The following CARMIL1 variants were observed in gnomAD, a reference collection of about 807,000 sequenced individuals.
CARMIL1 encodes the protein capping protein regulator and myosin 1 linker 1.
CARMIL1 carries 90 observed loss-of-function variants against 177.1 expected under a neutral mutation model. The ratio of observed to expected loss-of-function variants is 0.51; its 90% confidence interval spans 0.43 to 0.61. The LOEUF (loss-of-function observed/expected upper bound fraction) is 0.61. Ranked by LOEUF, CARMIL1 falls within the 20% of genes least tolerant of loss-of-function variation. The pLI, the probability that CARMIL1 is intolerant of heterozygous loss-of-function variation, is 0.00. For synonymous variants in CARMIL1, 577 were observed against 606.2 expected (o/e 0.95, Z 0.71); for missense variants, 1,380 against 1,667.0 (o/e 0.83, Z 3.00).
At chr6:25,417,381 C>T (rs947287698) in intron 2 of CARMIL1, among the ~76,000 whole-genome samples, 2 of 152,130 alleles carry the variant, frequency 1.3e-5, no homozygotes, top group Non-Finnish European at 2.9e-5. Context: ...GATCTCCTGC[C>T]CTTTTGCAAA....
intron 2 of CARMIL1, among the ~76,000 whole-genome samples, chr6:25,373,490 A>T (rs1790641471): frequency 6.9e-6 from 1 of 145,752 alleles, no homozygotes; most frequent in Admixed American, 6.9e-5. Flanking sequence ...TTTCCTGTAG[A>T]TTTTCTAGTT....
chr6:25,497,683 G>A (rs1161182813), intron 16 of CARMIL1, among the ~76,000 whole-genome samples: 1 of 152,094 alleles, frequency 6.6e-6, no homozygotes, highest in Non-Finnish European at 1.5e-5. Context: ...TTTCTCTAAG[G>A]GTTTGGGATT....
chr6:25,475,637 G>C (rs1359530930), intron 11 of CARMIL1, among the ~76,000 whole-genome samples: 3 of 152,230 alleles, frequency 2.0e-5, no homozygotes, highest in Admixed American at 6.5e-5. Flanking sequence ...ACTCAAAAGA[G>C]AATGGAATTC....
intron 31 of CARMIL1, among the ~76,000 whole-genome samples, chr6:25,590,053 A>T (rs1427555691): frequency 1.3e-5 from 2 of 152,222 alleles, no homozygotes; most frequent in Admixed American, 6.5e-5. Flanking sequence ...GCTACAAGAA[A>T]ATCTAGGAAG....
intron 2 of CARMIL1, among the ~76,000 whole-genome samples, chr6:25,327,564 A>G (rs940474699): frequency 1.7e-4 from 26 of 152,228 alleles, no homozygotes; most frequent in African/African-American, 6.3e-4. Context: ...CCCTCCGGCT[A>G]CTATTTGCTG....
In CARMIL1 at chr6:25,536,656, G is replaced by A. The variant is rs1348298115; in HGVS notation, c.2068-1199G>A. On this transcript the variant is annotated intron_variant, in intron 24 of 36. Coordinates refer to ENST00000329474, the MANE Select transcript of CARMIL1 (RefSeq NM_017640.6). ...ATGAACCTGACTTTACAAAGAAAAAGGCAAGAGAGATGGCAGTGCTACAGC... is the reference window on the plus strand; with the variant it reads ...ATGAACCTGACTTTACAAAGAAAAAAGCAAGAGAGATGGCAGTGCTACAGC... Among the ~76,000 whole-genome samples the A allele has an allele frequency of 2.6e-5, 4 of 152,046 alleles. No homozygotes were observed. The East Asian group carries it at 5.8e-4, about 22-fold the overall frequency.
chr6:25,369,062 G>C (rs980124216), intron 2 of CARMIL1, among the ~76,000 whole-genome samples: 4 of 152,230 alleles, frequency 2.6e-5, no homozygotes, highest in Non-Finnish European at 5.9e-5. Flanking sequence ...TGTAATAGAG[G>C]AGTGTAAGTA....
chr6:25,487,529 T>C (rs975340964), intron 12 of CARMIL1, among the ~76,000 whole-genome samples: 3 of 152,256 alleles, frequency 2.0e-5, no homozygotes, highest in African/African-American at 7.2e-5. Flanking sequence ...TTCTAAAATA[T>C]ATAATTTGGA....
At chr6:25,451,961 T>C (rs1798969680) in intron 8 of CARMIL1, 3 of 545,906 alleles carry the variant, frequency 5.5e-6, no homozygotes, top group Admixed American at 4.6e-5. Context: ...TTGTTGCCCA[T>C]ATGTCATCTC....
chr6:25,472,781 G>T, intron 11 of CARMIL1: 1 of 442,114 alleles, frequency 2.3e-6, no homozygotes, highest in South Asian at 3.1e-5. Context: ...ACATAGTCCT[G>T]CATAACAAAT....
intron 2 of CARMIL1, among the ~76,000 whole-genome samples, chr6:25,361,136 G>A (rs1323892180): frequency 1.3e-5 from 2 of 152,074 alleles, no homozygotes; most frequent in African/African-American, 2.4e-5. Flanking sequence ...ATATAATTGA[G>A]CAGATTTTGA....
rs973255169 is a variant in CARMIL1, at chr6:25,554,164, G to A, written c.2592+68G>A. The A allele has an allele frequency of 2.2e-5, 24 of 1,075,482 alleles. No homozygotes were observed. The highest frequency in any genetic ancestry group is 2.7e-5 in the Non-Finnish European group (19 of 713,924). 66.6% of individuals were successfully genotyped at this position (1,075,482 alleles called of 1,614,324 possible). A position where few individuals can be genotyped will look rare whatever the true frequency, so the allele number is the denominator to read the frequency against. On this transcript the variant is annotated intron_variant, in intron 28 of 36. Transcript: ENST00000329474. This position sits in a 1 kb window ranked among gnomAD's most constrained non-coding sequence, Gnocchi z 4.6. The stretch of plus-strand genomic sequence containing the variant: ...TCTGCTGTGATGCAGGATGACTTCC[G>A]GTGTGGGGATGTGATTTCTTTTCTG...
At chr6:25,511,318 T>C (rs1164422959) in intron 20 of CARMIL1, among the ~76,000 whole-genome samples, 1 of 152,176 alleles carries the variant, frequency 6.6e-6, no homozygotes, top group Non-Finnish European at 1.5e-5. Flanking sequence ...TAGTATCTTA[T>C]TTTGCTGTCC....
At chr6:25,575,416 A>G (rs992218841) in intron 29 of CARMIL1, among the ~76,000 whole-genome samples, 1 of 152,170 alleles carries the variant, frequency 6.6e-6, no homozygotes, top group Non-Finnish European at 1.5e-5. Flanking sequence ...CTTTAGGTGG[A>G]TAATTGGGAC....
chr6:25,435,644 G>T, intron 5 of CARMIL1, 40 bp downstream of exon 5: 1 of 1,529,292 alleles, frequency 6.5e-7, no homozygotes, highest in Non-Finnish European at 8.8e-7. Flanking sequence ...CAAAGAACCT[G>T]TTCTTCCTCA....
intron 31 of CARMIL1, among the ~76,000 whole-genome samples, chr6:25,588,398 G>A (rs770281638): frequency 2.6e-5 from 4 of 152,158 alleles, no homozygotes; most frequent in Non-Finnish European, 5.9e-5. Context: ...CTTTTACTTT[G>A]TGGCTCTACC....
chr6:25,472,730 A>G (rs1023776013), intron 11 of CARMIL1: 2 of 543,780 alleles, frequency 3.7e-6, no homozygotes, highest in Non-Finnish European at 6.5e-6. Context: ...AAGTGAAACA[A>G]AAGGAAAGGA....
chr6:25,308,893 A>G (rs1783506798), intron 2 of CARMIL1, among the ~76,000 whole-genome samples: 1 of 152,154 alleles, frequency 6.6e-6, no homozygotes, highest in African/African-American at 2.4e-5. Context: ...CCATCCACTC[A>G]TTGTCATAGA....
chr6:25,619,883 A>C lies in CARMIL1; in HGVS notation c.*300A>C. 2 of 180,358 alleles carry C rather than the reference A, an allele frequency of 1.1e-5. No homozygotes were observed. The highest frequency in any genetic ancestry group is 1.1e-5 in the Non-Finnish European group (1 of 87,252). The allele number at this position is 180,358 out of a possible 1,614,324, so 11.2% of individuals were successfully genotyped here. A position where few individuals can be genotyped will look rare whatever the true frequency, so the allele number is the denominator to read the frequency against. On this transcript the variant is annotated 3_prime_UTR_variant, in exon 37 of 37. Coordinates refer to ENST00000329474, the MANE Select transcript of CARMIL1 (RefSeq NM_017640.6). ...TTTAATGAAAGCCAGCAATTATCCCATGGGCCCTACTTGAATTTATCTGAG... is the reference window on the plus strand; with the variant it reads ...TTTAATGAAAGCCAGCAATTATCCCCTGGGCCCTACTTGAATTTATCTGAG...
Sources: gnomAD v4.1 joint callset for allele counts (sites outside exome capture counted in the v4.1 genomes callset) on GRCh38, gnomAD v4.1.1 for gene constraint, Gnocchi (gnomAD v3.1) non-coding constraint, MANE v1.5 for transcripts, NCBI Gene and HGNC (gene_info 2026-07-23, HGNC 2026-07-21) for gene names.